Variants in PPP1R21 observed in about 807,000 individuals in gnomAD.
The protein encoded by PPP1R21 is KLRAQ motif containing 1.
PPP1R21 carries 85 observed loss-of-function variants against 112.8 expected under a neutral mutation model. The observed-to-expected ratio is 0.75, with a 90% CI of 0.63 to 0.90. PPP1R21 has a LOEUF of 0.90. Ranked by LOEUF, PPP1R21 falls within the 40% of genes least tolerant of loss-of-function variation. The pLI is 0.00. For missense variants in PPP1R21, 1,199 were observed against 901.5 expected (o/e 1.33, Z -4.23); for synonymous variants, 381 against 322.3 (o/e 1.18, Z -1.95).
intron 21 of PPP1R21, among the ~76,000 whole-genome samples, chr2:48,513,159 A>C (rs1446314298): frequency 6.6e-6 from 1 of 152,014 alleles, no homozygotes; most frequent in African/African-American, 2.4e-5. Context: ...CCTGAAGGTA[A>C]TTGGATTGCA....
chr2:48,470,635 T>C (rs1047222792), intron 9 of PPP1R21, among the ~76,000 whole-genome samples: 1 of 152,354 alleles, frequency 6.6e-6, no homozygotes, highest in Middle Eastern at 3.4e-3. Context: ...GCTTGTTTTT[T>C]AAAAATTGGG....
intron 17 of PPP1R21, among the ~76,000 whole-genome samples, chr2:48,502,571 C>T (rs769207574): frequency 6.6e-6 from 1 of 151,934 alleles, no homozygotes; most frequent in African/African-American, 2.4e-5. Flanking sequence ...CAAGTATGTG[C>T]CCATTTCAGT....
intron 7 of PPP1R21, among the ~76,000 whole-genome samples, chr2:48,461,754 C>G (rs1667987740): frequency 6.6e-6 from 1 of 152,088 alleles, no homozygotes; most frequent in African/African-American, 2.4e-5. Context: ...TAATAGGTGC[C>G]AAATTTGCAA....
intron 9 of PPP1R21, among the ~76,000 whole-genome samples, chr2:48,470,812 A>G (rs1206206162): frequency 1.3e-5 from 2 of 152,080 alleles, no homozygotes; most frequent in African/African-American, 2.4e-5. Context: ...ATGCCTGGTT[A>G]TTAATTGTGT....
chr2:48,505,542 G>A (rs1400624922), intron 17 of PPP1R21, 22 bp from the exon 18 acceptor site: 3 of 1,536,604 alleles, frequency 2.0e-6, no homozygotes, highest in Admixed American at 2.0e-5. Context: ...TGTTCTAAAA[G>A]ATTTTTCCCC....
intron 7 of PPP1R21, among the ~76,000 whole-genome samples, chr2:48,464,222 G>A (rs148397845): frequency 1.8e-3 from 269 of 152,318 alleles, no homozygotes; most frequent in African/African-American, 6.3e-3. Context: ...AGTAGCAATG[G>A]AGACATAAAA....
rs763187880 is a variant in PPP1R21, at chr2:48,465,647, ATT to A, written c.897+7_897+8del. 6.2e-7 allele frequency: 1 copy of A among 1,608,678 alleles called. No homozygotes were observed. The highest frequency in any genetic ancestry group is 1.7e-5 in the Admixed American group (1 of 58,752). On this transcript the variant is annotated splice_donor_region_variant and intron_variant, in intron 9 of 21. Transcript: ENST00000294952. ...ATATCTCCATTGAATCAGAAGGTAAATTTAATTCAGGATACATTTTGTTTGCC... is the reference window on the plus strand; with the variant it reads ...ATATCTCCATTGAATCAGAAGGTAAATAATTCAGGATACATTTTGTTTGCC...
Position 48,469,536 on chromosome 2 carries a change from A to AGG in PPP1R21, c.898-1550_898-1549insGG, listed in dbSNP as rs1668411968. 2.6e-5 allele frequency among the ~76,000 whole-genome samples: 2 copies of AGG among 77,912 alleles called. 1 individual carries two copies. The highest frequency in any genetic ancestry group is 5.2e-5 in the Non-Finnish European group (2 of 38,832). 51.1% of individuals were successfully genotyped at this position (77,912 alleles called of 152,430 possible). A position where few individuals can be genotyped will look rare whatever the true frequency, so the allele number is the denominator to read the frequency against. ...TATATATATATATATATATATATAT[A>AGG]GAGCATATATATATATAGAGAGAGA... On this transcript the variant is annotated intron_variant, in intron 9 of 21. Transcript: ENST00000294952.
chr2:48,446,696 A>T (rs970391079), intron 1 of PPP1R21, among the ~76,000 whole-genome samples: 9 of 152,158 alleles, frequency 5.9e-5, no homozygotes, highest in Admixed American at 2.0e-4. Context: ...AAGGAAGTAT[A>T]CTGTAGTCTT....
Position 48,461,247 on chromosome 2 carries a change from C to T in PPP1R21, c.694+15C>T, listed in dbSNP as rs751314336. 1.3e-6 allele frequency: 2 copies of T among 1,520,660 alleles called. No homozygotes were observed. Among genetic ancestry groups the T allele is most frequent in the South Asian group, 2.6e-5 (2 of 76,270 alleles). 94.2% of individuals were successfully genotyped at this position (1,520,660 alleles called of 1,614,324 possible). ...TAATGATACAAGTAGGTATTATGTACAGTTTTCCATTATTTGTAACTTTGA... is the reference window on the plus strand; with the variant it reads ...TAATGATACAAGTAGGTATTATGTATAGTTTTCCATTATTTGTAACTTTGA... On this transcript the variant is annotated intron_variant, in intron 7 of 21. Transcript: ENST00000294952.
intron 7 of PPP1R21, 146 bp from the exon 8 acceptor site, chr2:48,464,791 G>C: frequency 1.8e-6 from 1 of 551,230 alleles, no homozygotes; most frequent in Non-Finnish European, 3.1e-6. Flanking sequence ...CTGATTCTAT[G>C]TAAATTCCAT....
chr2:48,441,340 T>G, intron 1 of PPP1R21: 1 of 413,042 alleles, frequency 2.4e-6, no homozygotes, highest in Non-Finnish European at 4.5e-6. Context: ...GGGAAAGGTG[T>G]GGACCACTCC....
At chr2:48,474,181 G>A (rs1668641050) in intron 11 of PPP1R21, among the ~76,000 whole-genome samples, 1 of 152,012 alleles carries the variant, frequency 6.6e-6, no homozygotes, top group Admixed American at 6.6e-5. Context: ...TCAGGAGTTC[G>A]AGACCAGCCT....
rs537402050 is a variant in PPP1R21 at position 48,495,905 on chromosome 2, A to C, written c.1692+134A>C. 5.3e-6 allele frequency: 3 copies of C among 566,746 alleles called. No homozygotes were observed. The South Asian group carries it at 7.1e-5, about 13-fold the overall frequency. 35.1% of individuals were successfully genotyped at this position (566,746 alleles called of 1,614,324 possible). On this transcript the variant is annotated intron_variant, in intron 16 of 21. Coordinates refer to ENST00000294952, the MANE Select transcript of PPP1R21 (RefSeq NM_001135629.3). ...ATGTGAAATGAATTGTTTAATACATACTAAAAAGCAAATAGACATAATTTG... is the reference window on the plus strand; with the variant it reads ...ATGTGAAATGAATTGTTTAATACATCCTAAAAAGCAAATAGACATAATTTG...
intron 11 of PPP1R21, among the ~76,000 whole-genome samples, chr2:48,473,877 T>G (rs777932014): frequency 6.6e-6 from 1 of 152,352 alleles, no homozygotes; most frequent in Non-Finnish European, 1.5e-5. Flanking sequence ...ATGCATTTTA[T>G]GAATGTTAAG....
At chr2:48,473,845 A>G (rs1297139422) in intron 11 of PPP1R21, among the ~76,000 whole-genome samples, 2 of 152,164 alleles carry the variant, frequency 1.3e-5, no homozygotes, top group South Asian at 2.1e-4. Context: ...CCAAGTAACT[A>G]TTTAAAATTA....
chr2:48,498,251 C>T (rs537900970), intron 16 of PPP1R21, among the ~76,000 whole-genome samples: 7 of 149,286 alleles, frequency 4.7e-5, no homozygotes, highest in Non-Finnish European at 8.9e-5. Context: ...TTTCTTTTCA[C>T]TCTTGATGTT....
rs375251931 is a variant in PPP1R21, at chr2:48,440,853, C to G, written c.-101C>G. 1.2e-6 allele frequency: 1 copy of G among 809,780 alleles called. No homozygotes were observed. The highest frequency in any genetic ancestry group is 2.0e-6 in the Non-Finnish European group (1 of 504,490). 50.2% of individuals were successfully genotyped at this position (809,780 alleles called of 1,614,324 possible). On this transcript the variant is annotated 5_prime_UTR_variant, in exon 1 of 22. Transcript: ENST00000294952. Reference sequence around the variant, plus strand: ...GCGGCGGCTGCGGTGGCCAAGCAGGCAGATACTGCCTGACCCGTTCCCGGG... The same window carrying G: ...GCGGCGGCTGCGGTGGCCAAGCAGGGAGATACTGCCTGACCCGTTCCCGGG...
At chr2:48,458,248 A>T in intron 4 of PPP1R21, 21 bp downstream of exon 4, 2 of 1,525,602 alleles carry the variant, frequency 1.3e-6, no homozygotes, top group South Asian at 1.1e-5. Flanking sequence ...CTGTTTTTCT[A>T]TGTGAATTAA....
Sources: allele counts gnomAD v4.1 joint callset (sites outside exome capture counted in the v4.1 genomes callset), GRCh38; gene constraint gnomAD v4.1.1; transcripts MANE v1.5; gene names NCBI Gene and HGNC (gene_info 2026-07-23, HGNC 2026-07-21).